The following TPRG1 variants were observed in gnomAD, a reference collection of about 807,000 sequenced individuals.
TPRG1 encodes tumor protein p63-regulated gene 1 protein.
Under a neutral mutation model 29.3 loss-of-function variants are expected in TPRG1, and 29 were observed. That is an observed-to-expected ratio of 0.99 (90% CI 0.74 to 1.35). The LOEUF is 1.35. Among genes scored for constraint, TPRG1 ranks in the 40% most tolerant of loss-of-function variants. The pLI is 0.00. For missense variants in TPRG1, 327 were observed against 335.0 expected (o/e 0.98, Z 0.19); for synonymous variants, 130 against 116.8 (o/e 1.11, Z -0.73).
At chr3:189,103,418 A>G (rs1333647437) in intron 1 of TPRG1, among the ~76,000 whole-genome samples, 1 of 152,188 alleles carries the variant, frequency 6.6e-6, no homozygotes. Flanking sequence ...AAAGTGGATC[A>G]AGATCTTGCA....
chr3:189,135,245 G>T (rs1371060234), intron 3 of TPRG1, among the ~76,000 whole-genome samples: 3 of 152,188 alleles, frequency 2.0e-5, no homozygotes, highest in Non-Finnish European at 2.9e-5. Context: ...GTCCTGTCCA[G>T]GGCTTGATCT....
exon 4 of TPRG1, chr3:189,147,608 T>C (rs2242014): frequency 0.33 from 50,678 of 152,154 alleles, 8,776 homozygotes; most frequent in Admixed American, 0.45. Flanking sequence ...GGAAGCCCCT[T>C]TGCTTCTAAG....
chr3:189,098,241 A>G (rs77630300), upstream of TPRG1, among the ~76,000 whole-genome samples: 3,500 of 152,274 alleles, frequency 0.023, 140 homozygotes, highest in African/African-American at 0.08. Flanking sequence ...AGAAAGAGGA[A>G]CTAAGGAGGA....
chr3:189,066,445 A>C (rs2152147592), intron 4 of TPRG1, among the ~76,000 whole-genome samples: 1 of 152,250 alleles, frequency 6.6e-6, no homozygotes, highest in South Asian at 2.1e-4. Flanking sequence ...TGACTTCGAC[A>C]ATACATTAAA....
chr3:189,305,159 C>T (rs559619459), intron 4 of TPRG1, among the ~76,000 whole-genome samples: 1 of 152,268 alleles, frequency 6.6e-6, no homozygotes, highest in East Asian at 1.9e-4. Context: ...TTAACAGAGA[C>T]TCTTTGGAGG....
At chr3:189,061,654 A>G (rs971850340) in intron 4 of TPRG1, among the ~76,000 whole-genome samples, 4 of 152,252 alleles carry the variant, frequency 2.6e-5, no homozygotes, top group Admixed American at 2.6e-4. Context: ...TTTCAAGAGA[A>G]GACATACATG....
At chr3:189,012,628 A>G (rs144438577) in intron 3 of TPRG1, among the ~76,000 whole-genome samples, 202 of 152,130 alleles carry the variant, frequency 1.3e-3, no homozygotes, top group African/African-American at 4.7e-3. Flanking sequence ...CTGGTCCTGG[A>G]CTTTTTTGGT....
intron 4 of TPRG1, among the ~76,000 whole-genome samples, chr3:189,038,735 T>C (rs1186364765): frequency 6.7e-6 from 1 of 149,848 alleles, no homozygotes; most frequent in Non-Finnish European, 1.5e-5. Context: ...TGACAAGGGA[T>C]TAATACCTAG....
rs184462191 is a variant in TPRG1, at chr3:189,077,643, T to C, written c.-462-49414T>C. Among the ~76,000 whole-genome samples, 60 of 152,314 alleles carry C rather than the reference T, an allele frequency of 3.9e-4. 1 individual carries two copies. The highest frequency in any genetic ancestry group is 1.4e-3 in the African/African-American group (57 of 41,580). On this transcript the variant is annotated intron_variant, in intron 4 of 10. Transcript: ENST00000433971. ...CATTTTACTGTATGTTAATTATACCTAAACTAAAGAGAAATTGATATATTC... is the reference window on the plus strand; with the variant it reads ...CATTTTACTGTATGTTAATTATACCCAAACTAAAGAGAAATTGATATATTC...
At chr3:189,251,910 C>G (rs1742328965) in intron 4 of TPRG1, among the ~76,000 whole-genome samples, 1 of 152,162 alleles carries the variant, frequency 6.6e-6, no homozygotes, top group Admixed American at 6.5e-5. Flanking sequence ...CTCCTCAGCA[C>G]AGACCCTTTA....
chr3:189,313,408 T>C (rs1723008472), intron 5 of TPRG1, among the ~76,000 whole-genome samples: 1 of 152,156 alleles, frequency 6.6e-6, no homozygotes, highest in Non-Finnish European at 1.5e-5. Context: ...AACTGGTTTT[T>C]CCATCTCTCT....
rs993389477 is a variant in TPRG1 at position 189,277,467 on chromosome 3, C to T, written c.480-32919C>T. On this transcript the variant is annotated intron_variant, in intron 4 of 5. Coordinates refer to ENST00000345063, the MANE Select transcript of TPRG1 (RefSeq NM_198485.4). ...ATAAGATTAAGAATCAGAATAAATA[C>T]AGCTCTATGCTATTAGAAAAAAGCT... Among the ~76,000 whole-genome samples the T allele has an allele frequency of 5.3e-5, 8 of 152,118 alleles. No individual in the cohort carries two copies. The East Asian group carries it at 1.5e-3, about 29-fold the overall frequency.
At chr3:189,149,854 T>TA (rs934307826) in intron 4 of TPRG1, among the ~76,000 whole-genome samples, 1 of 151,270 alleles carries the variant, frequency 6.6e-6, no homozygotes, top group African/African-American at 2.4e-5. Flanking sequence ...TGGAGGCCTT[T>TA]AAAAAAAAAG....
chr3:189,038,224 C>A (rs1239863102), intron 4 of TPRG1, among the ~76,000 whole-genome samples: 1 of 151,912 alleles, frequency 6.6e-6, no homozygotes, highest in Non-Finnish European at 1.5e-5. Context: ...TAAACCGTCC[C>A]TTATGGAATA....
intron 4 of TPRG1, among the ~76,000 whole-genome samples, chr3:189,040,294 A>G (rs1714547964): frequency 6.6e-6 from 1 of 152,244 alleles, no homozygotes; most frequent in Non-Finnish European, 1.5e-5. Flanking sequence ...AAACAGCGAA[A>G]TATTGAACTT....
At chr3:189,312,116 T>G (rs1443895242) in intron 5 of TPRG1, among the ~76,000 whole-genome samples, 1 of 63,326 alleles carries the variant, frequency 1.6e-5, no homozygotes, top group East Asian at 2.6e-4. Flanking sequence ...TTTCTTTCTT[T>G]GTTTCTTTCT....
At position 189,321,340 on chromosome 3, in the gene TPRG1, T is replaced by G. The variant is rs1243796354; in HGVS notation, c.*520T>G. ...TGACTGCTAATCATCTATATATCAG[T>G]GTCCCAGTGGCCTCTTAATTGAGCA... On this transcript the variant is annotated 3_prime_UTR_variant, in exon 6 of 6. Transcript: ENST00000345063. 6.6e-6 allele frequency: 1 copy of G among 152,056 alleles called. No individual in the cohort carries two copies. Among genetic ancestry groups the G allele is most frequent in the Non-Finnish European group, 1.5e-5 (1 of 68,010 alleles). The allele number at this position is 152,056 out of a possible 1,614,324, so 9.4% of individuals were successfully genotyped here.
At chr3:189,155,145 G>A (rs920917857) in intron 5 of TPRG1, among the ~76,000 whole-genome samples, 1 of 152,140 alleles carries the variant, frequency 6.6e-6, no homozygotes, top group Admixed American at 6.6e-5. Context: ...GGAGGAAAAA[G>A]CCAGGAGGTG....
intron 3 of TPRG1, among the ~76,000 whole-genome samples, chr3:189,020,480 C>A (rs1405256042): frequency 6.7e-6 from 1 of 150,042 alleles, no homozygotes; most frequent in African/African-American, 2.4e-5. Context: ...GCCTTCATTT[C>A]GTTATGTACC....
Sources: allele counts gnomAD v4.1 joint callset (sites outside exome capture counted in the v4.1 genomes callset), GRCh38; gene constraint gnomAD v4.1.1; transcripts MANE v1.5; gene names NCBI Gene and HGNC (gene_info 2026-07-23, HGNC 2026-07-21).